Variants in TTC29 observed in about 807,000 individuals in gnomAD.
The protein encoded by TTC29 is tetratricopeptide repeat protein 29.
A neutral mutation model predicts 58.1 loss-of-function variants in TTC29; 49 were observed. The ratio of observed to expected loss-of-function variants is 0.84; its 90% CI spans 0.67 to 1.07. The LOEUF (loss-of-function observed/expected upper bound fraction) is 1.07. Ranked by LOEUF, TTC29 falls within the 50% of genes least tolerant of loss-of-function variation. The probability of loss-of-function intolerance (pLI) is 0.00; values close to 1 mark genes in which losing one functional copy is unlikely to be tolerated. For synonymous variants in TTC29, 209 were observed against 196.8 expected (o/e 1.06, Z -0.52); for missense variants, 582 against 555.6 (o/e 1.05, Z -0.48).
At chr4:146,812,306 T>A (rs907553478) in intron 10 of TTC29, among the ~76,000 whole-genome samples, 3 of 152,198 alleles carry the variant, frequency 2.0e-5, no homozygotes, top group African/African-American at 7.2e-5. Flanking sequence ...TTTATTGTTT[T>A]AGGTGAGAGT....
chr4:146,774,327 T>G (rs906788531), intron 11 of TTC29, among the ~76,000 whole-genome samples: 2 of 152,140 alleles, frequency 1.3e-5, no homozygotes, highest in African/African-American at 2.4e-5. Context: ...GTTATGTTGT[T>G]AATGAGAGAT....
chr4:146,918,630 C>T (rs890654971), intron 4 of TTC29, among the ~76,000 whole-genome samples: 1 of 151,046 alleles, frequency 6.6e-6, no homozygotes, highest in African/African-American at 2.4e-5. Flanking sequence ...GCAAATAGTA[C>T]AGGACTATAA....
intron 4 of TTC29, among the ~76,000 whole-genome samples, chr4:146,913,913 A>T (rs900199188): frequency 1.3e-5 from 2 of 152,184 alleles, no homozygotes; most frequent in African/African-American, 4.8e-5. Flanking sequence ...GTACATTTTT[A>T]AAAAAGATCA....
chr4:146,940,250 A>T (rs1736251823), intron 2 of TTC29, among the ~76,000 whole-genome samples: 1 of 152,220 alleles, frequency 6.6e-6, no homozygotes, highest in South Asian at 2.1e-4. Flanking sequence ...TTTTAAGGAT[A>T]GCTATGGATT....
intron 4 of TTC29, among the ~76,000 whole-genome samples, chr4:146,921,965 C>T (rs1734608545): frequency 7.0e-6 from 1 of 141,954 alleles, no homozygotes; most frequent in Non-Finnish European, 1.5e-5. Flanking sequence ...CCATGACACA[C>T]TTACTAAGCA....
chr4:146,842,832 T>C (rs1728932566), intron 8 of TTC29, among the ~76,000 whole-genome samples: 1 of 152,210 alleles, frequency 6.6e-6, no homozygotes, highest in Non-Finnish European at 1.5e-5. Flanking sequence ...TTTATACTTA[T>C]GCAATGAGAA....
At chr4:146,788,136 C>T (rs548683726) in intron 11 of TTC29, among the ~76,000 whole-genome samples, 1 of 152,364 alleles carries the variant, frequency 6.6e-6, no homozygotes, top group South Asian at 2.1e-4. Context: ...CCTTTCACCA[C>T]ATAGCAAGTC....
intron 10 of TTC29, among the ~76,000 whole-genome samples, chr4:146,816,886 C>A (rs886998028): frequency 2.6e-5 from 4 of 152,056 alleles, no homozygotes; most frequent in African/African-American, 9.7e-5. Context: ...TGGCAAACAA[C>A]AGAATACTGT....
intron 6 of TTC29, among the ~76,000 whole-genome samples, chr4:146,892,389 C>G (rs1264949495): frequency 1.3e-5 from 2 of 152,110 alleles, no homozygotes; most frequent in African/African-American, 4.8e-5. Flanking sequence ...ATACGCAAAT[C>G]AATAAATGTA....
At chr4:146,817,118 A>G (rs1456278851) in intron 10 of TTC29, among the ~76,000 whole-genome samples, 2 of 152,340 alleles carry the variant, frequency 1.3e-5, no homozygotes, top group Non-Finnish European at 1.5e-5. Context: ...AGGGTATTCA[A>G]TTAGGAAAAG....
At chr4:146,779,422 T>C (rs1042097016) in intron 11 of TTC29, among the ~76,000 whole-genome samples, 5 of 152,184 alleles carry the variant, frequency 3.3e-5, no homozygotes, top group African/African-American at 7.2e-5. Context: ...TAATTTTCTA[T>C]AGCTTAGAAA....
intron 10 of TTC29, among the ~76,000 whole-genome samples, chr4:146,806,739 A>C (rs1203992199): frequency 6.6e-6 from 1 of 152,182 alleles, no homozygotes; most frequent in Admixed American, 6.5e-5. Context: ...TGAATAAGGC[A>C]AGTTCTTAGA....
chr4:146,908,903 TG>T, intron 5 of TTC29, 122 bp downstream of exon 5: 1 of 805,486 alleles, frequency 1.2e-6, no homozygotes, highest in Non-Finnish European at 2.0e-6. Flanking sequence ...TTTAATTGAC[TG>T]GGTTGAAGTG....
At chr4:146,854,888 T>C (rs1319069955) in intron 8 of TTC29, among the ~76,000 whole-genome samples, 1 of 152,214 alleles carries the variant, frequency 6.6e-6, no homozygotes, top group Non-Finnish European at 1.5e-5. Context: ...TACACACATC[T>C]ATATAATCAA....
chr4:146,866,873 GAGA>G (rs1356137966), intron 8 of TTC29, among the ~76,000 whole-genome samples: 1 of 152,112 alleles, frequency 6.6e-6, no homozygotes, highest in African/African-American at 2.4e-5. Context: ...GTAGAGGTAA[GAGA>G]AGAAGAAAAA....
At chr4:146,798,615 G>A (rs1049103836) in intron 11 of TTC29, among the ~76,000 whole-genome samples, 1 of 152,018 alleles carries the variant, frequency 6.6e-6, no homozygotes, top group East Asian at 1.9e-4. Context: ...GCCGGGCTAG[G>A]CATGGTGGCT....
intron 11 of TTC29, among the ~76,000 whole-genome samples, chr4:146,729,636 G>A (rs982301766): frequency 6.6e-6 from 1 of 152,114 alleles, no homozygotes; most frequent in African/African-American, 2.4e-5. Context: ...AGAACTGCCT[G>A]AGACTGGGTA....
chr4:146,710,835 A>G (rs182296975), intron 11 of TTC29, among the ~76,000 whole-genome samples: 45 of 152,256 alleles, frequency 3.0e-4, no homozygotes, highest in African/African-American at 1.0e-3. Flanking sequence ...TCTCATTTAT[A>G]CCACCACTTA....
Position 146,728,846 on chromosome 4 carries a change from T to TGTGTATATATAC in TTC29, c.1331-21296_1331-21295insGTATATATACAC, listed in dbSNP as rs1561066712. The stretch of plus-strand genomic sequence containing the variant: ...ATATACATATATATACACATATATA[T>TGTGTATATATAC]GTATATATATACACATATATATGTG... On this transcript the variant is annotated intron_variant, in intron 11 of 12. Transcript: ENST00000325106. Among the ~76,000 whole-genome samples the TGTGTATATATAC allele has an allele frequency of 1.6e-3, 123 of 76,950 alleles. 16 individuals are homozygous for TGTGTATATATAC. Among genetic ancestry groups the TGTGTATATATAC allele is most frequent in the African/African-American group, 4.3e-3 (110 of 25,482 alleles). The allele number at this position is 76,950 out of a possible 152,430, so 50.5% of individuals were successfully genotyped here.
Sources: gnomAD v4.1 joint callset for allele counts (sites outside exome capture counted in the v4.1 genomes callset) on GRCh38, gnomAD v4.1.1 for gene constraint, MANE v1.5 for transcripts, NCBI Gene and HGNC (gene_info 2026-07-23, HGNC 2026-07-21) for gene names.